The following PIEZO2 variants were observed in gnomAD, a reference collection of about 807,000 sequenced individuals.
PIEZO2 encodes the protein piezo type mechanosensitive ion channel component 2, also known as piezo-type mechanosensitive ion channel component 2.
In PIEZO2, 172 loss-of-function variants were observed where a neutral mutation model predicts 337.3. The observed-to-expected ratio is 0.51, with a 90% CI of 0.45 to 0.58. PIEZO2 has a LOEUF of 0.58. Ranked by LOEUF, PIEZO2 falls within the 20% of genes least tolerant of loss-of-function variation. The pLI is 0.00. For synonymous variants in PIEZO2, 1,251 were observed against 1,228.5 expected (o/e 1.02, Z -0.38); for missense variants, 3,028 against 3,391.3 (o/e 0.89, Z 2.66).
rs897361884 is a variant in PIEZO2, at chr18:11,078,059, C to T, written c.65-11837G>A. On this transcript the variant is annotated intron_variant, in intron 1 of 55. Coordinates refer to ENST00000674853, the MANE Select transcript of PIEZO2 (RefSeq NM_001378183.1). The surrounding 1 kb of genome is among the most constrained non-coding windows in gnomAD (Gnocchi z 5.3). ...ACCCACACACACCCACACACACACA[C>T]ACACACACCACACACACAAAAACAA... Among the ~76,000 whole-genome samples the T allele has an allele frequency of 6.7e-6, 1 of 148,202 alleles. No homozygotes were observed. Among genetic ancestry groups the T allele is most frequent in the African/African-American group, 2.5e-5 (1 of 39,830 alleles).
Position 10,791,317 on chromosome 18 carries a change from A to G in PIEZO2, c.1766T>C (p.Phe589Ser), listed in dbSNP as rs1222553205. Residue 589 changes from phenylalanine to serine, a missense_variant, in exon 14 of 56, where the codon TTC becomes TCC. Physicochemically the swap from Phe to Ser is radical, Grantham distance 155 (BLOSUM62 -2). Transcript: ENST00000674853. The stretch of plus-strand genomic sequence containing the variant: ...CAGCAGTAGCCAAAAAGTAATGGTG[A>G]AAAGGATCTGAAAGTAGAGAAGCAG... ...EPGELASKIL[F>S]TITFWLLLRQ... 1 of 1,509,744 alleles carries G rather than the reference A, an allele frequency of 6.6e-7. No homozygotes were observed. The highest frequency in any genetic ancestry group is 2.2e-5 in the Admixed American group (1 of 45,198). 93.5% of individuals were successfully genotyped at this position (1,509,744 alleles called of 1,614,324 possible). A position where few individuals can be genotyped will look rare whatever the true frequency, so the allele number is the denominator to read the frequency against.
At chr18:10,805,835 T>C (rs893347176) in intron 8 of PIEZO2, among the ~76,000 whole-genome samples, 3 of 151,874 alleles carry the variant, frequency 2.0e-5, no homozygotes, top group African/African-American at 7.3e-5. Flanking sequence ...GGGGGGGAGG[T>C]AGCACATAGG....
At chr18:10,697,513 A>G (rs2035145745) in intron 45 of PIEZO2, among the ~76,000 whole-genome samples, 1 of 152,216 alleles carries the variant, frequency 6.6e-6, no homozygotes, top group African/African-American at 2.4e-5. Flanking sequence ...TGACCCATTT[A>G]CTCTGTTCAA....
chr18:10,822,740 C>G (rs775236558), intron 7 of PIEZO2, among the ~76,000 whole-genome samples: 3 of 152,168 alleles, frequency 2.0e-5, no homozygotes, highest in African/African-American at 7.2e-5. Context: ...ATTTTGTGAA[C>G]GCGTTGGGGT....
chr18:10,815,379 C>T lies in PIEZO2; in HGVS notation c.918-8105G>A, dbSNP rs542164074. Among the ~76,000 whole-genome samples, 1 of 152,310 alleles carries T rather than the reference C, an allele frequency of 6.6e-6. No homozygotes were observed. Among genetic ancestry groups the T allele is most frequent in the South Asian group, 2.1e-4 (1 of 4,828 alleles). The stretch of plus-strand genomic sequence containing the variant: ...TGACCCTGAGTAGGACATTTAACCA[C>T]TTTAAGCCTCAATTTCCTCATTTGG... On this transcript the variant is annotated intron_variant, in intron 7 of 55. Transcript: ENST00000674853. The surrounding 1 kb of genome is among the most constrained non-coding windows in gnomAD (Gnocchi z 4.1).
At position 10,741,096 on chromosome 18, in the gene PIEZO2, G is replaced by C; in HGVS notation, c.4643C>G (p.Ala1548Gly). The stretch of plus-strand genomic sequence containing the variant: ...TTTGCCCTTGGCTTTCTGTTTGTCT[G>C]CTTCTCCTAAAATAAAATACGTCCA... ...KLSEEDDEREADKQKAKGKKK... is the reference protein window; with the variant it reads ...KLSEEDDEREGDKQKAKGKKK... Residue 1548 changes from alanine to glycine, a missense_variant, in exon 33 of 56, where the codon GCA becomes GGA. Ala to Gly is a moderately conservative substitution (Grantham distance 60). Around this residue, in one of 5 missense-constraint regions of PIEZO2, gnomAD observed 1,925 missense variants for 2,051.9 expected, o/e 0.94. Coordinates refer to ENST00000674853, the MANE Select transcript of PIEZO2 (RefSeq NM_001378183.1). 2 of 1,535,120 alleles carry C rather than the reference G, an allele frequency of 1.3e-6. No individual in the cohort carries two copies. The highest frequency in any genetic ancestry group is 2.4e-5 in the South Asian group (2 of 83,700).
rs1428687877 is a variant in PIEZO2 at position 10,704,540 on chromosome 18, C to T, written c.6112G>A (p.Val2038Met). Residue 2038 changes from valine to methionine, a missense_variant, in exon 42 of 56, where the codon GTG (valine) becomes ATG (methionine). Transcript: ENST00000674853. Reference sequence around the variant, plus strand: ...TTGAGGATGATCACGAAGTAGCACACCATCTCCGAGCGGGCCACCAGGGTA... The same window carrying T: ...TTGAGGATGATCACGAAGTAGCACATCATCTCCGAGCGGGCCACCAGGGTA... ...YNTLVARSEM[V>M]CYFVIILNHM... 3 of 1,537,102 alleles carry T rather than the reference C, an allele frequency of 2.0e-6. No homozygotes were observed. The highest frequency in any genetic ancestry group is 2.6e-6 in the Non-Finnish European group (3 of 1,146,926).
chr18:11,073,848 C>CT (rs71362202), intron 1 of PIEZO2, among the ~76,000 whole-genome samples: 5,034 of 137,106 alleles, frequency 0.037, 189 homozygotes, highest in African/African-American at 0.071. Context: ...ATAACAACTG[C>CT]TTTTTTTTTT....
chr18:10,955,857 A>C (rs2033496704), intron 3 of PIEZO2, among the ~76,000 whole-genome samples: 2 of 152,142 alleles, frequency 1.3e-5, no homozygotes, highest in South Asian at 4.1e-4. Flanking sequence ...CAAGGATTTA[A>C]ATTTTTTGTT....
In PIEZO2 at chr18:10,870,427, G is replaced by A. The variant is rs191190996; in HGVS notation, c.492+826C>T. ...CTGAAAACATTTAGTACTTGCAAGC[G>A]TTTTGCATCAAATGTCCAAATAAAA... On this transcript the variant is annotated intron_variant, in intron 5 of 55. Transcript: ENST00000674853. The surrounding 1 kb of genome is among the most constrained non-coding windows in gnomAD (Gnocchi z 5.3). Among the ~76,000 whole-genome samples the A allele has an allele frequency of 2.6e-5, 4 of 151,350 alleles. No individual in the cohort carries two copies. Among genetic ancestry groups the A allele is most frequent in the East Asian group, 1.9e-4 (1 of 5,186 alleles).
chr18:10,741,842 A>T (rs1230095944), intron 32 of PIEZO2, among the ~76,000 whole-genome samples: 1 of 152,184 alleles, frequency 6.6e-6, no homozygotes, highest in Non-Finnish European at 1.5e-5. Context: ...GTATATCGGA[A>T]ATATATCCCT....
chr18:10,876,850 C>T (rs1321136881), intron 4 of PIEZO2, among the ~76,000 whole-genome samples: 2 of 152,188 alleles, frequency 1.3e-5, no homozygotes, highest in African/African-American at 4.8e-5. Flanking sequence ...CCCACCACTG[C>T]TCAGAAAATG....
intron 1 of PIEZO2, among the ~76,000 whole-genome samples, chr18:11,082,692 A>G (rs1185873029): frequency 1.3e-5 from 2 of 152,178 alleles, no homozygotes; most frequent in Non-Finnish European, 2.9e-5. Context: ...TTTATCAGAA[A>G]AAGAACTAGA....
rs535309045 is a variant in PIEZO2 at position 10,767,138 on chromosome 18, G to T, written c.2946+3010C>A. 6.6e-6 allele frequency among the ~76,000 whole-genome samples: 1 copy of T among 151,822 alleles called. No homozygotes were observed. Among genetic ancestry groups the T allele is most frequent in the Non-Finnish European group, 1.5e-5 (1 of 67,998 alleles). Reference sequence around the variant, plus strand: ...CTCACAGAGCTGTCCAATAGCCTTCGGAATTAGAAAGTAGCTGTGTATTTC... The same window carrying T: ...CTCACAGAGCTGTCCAATAGCCTTCTGAATTAGAAAGTAGCTGTGTATTTC... On this transcript the variant is annotated intron_variant, in intron 21 of 55. Transcript: ENST00000674853. The surrounding 1 kb of genome is among the most constrained non-coding windows in gnomAD (Gnocchi z 4.2).
rs773706979 is a variant in PIEZO2, at chr18:10,861,448, G to T, written c.493-4237C>A. On this transcript the variant is annotated intron_variant, in intron 5 of 55. Coordinates refer to ENST00000674853, the MANE Select transcript of PIEZO2 (RefSeq NM_001378183.1). The surrounding 1 kb of genome is among the most constrained non-coding windows in gnomAD (Gnocchi z 4.3). ...ATTTTAACAGGAAATCTTGTTATTT[G>T]CAACAACATGCATAAATCTAAAGAA... Among the ~76,000 whole-genome samples, 5 of 152,144 alleles carry T rather than the reference G, an allele frequency of 3.3e-5. No homozygotes were observed. Among genetic ancestry groups the T allele is most frequent in the African/African-American group, 4.8e-5 (2 of 41,426 alleles).
intron 20 of PIEZO2, among the ~76,000 whole-genome samples, chr18:10,771,151 G>A (rs2038589323): frequency 6.6e-6 from 1 of 152,172 alleles, no homozygotes; most frequent in Non-Finnish European, 1.5e-5. Flanking sequence ...TTTTATAAAT[G>A]GCCTGTCTCC....
chr18:10,722,354 C>T (rs1336949326), intron 36 of PIEZO2, among the ~76,000 whole-genome samples: 1 of 151,768 alleles, frequency 6.6e-6, no homozygotes, highest in Non-Finnish European at 1.5e-5. Context: ...CTTAAGCCTC[C>T]CAAGTAGCTG....
intron 1 of PIEZO2, among the ~76,000 whole-genome samples, chr18:11,138,966 C>A (rs1250983940): frequency 6.6e-6 from 1 of 152,198 alleles, no homozygotes; most frequent in Non-Finnish European, 1.5e-5. Context: ...CTGATTGGTT[C>A]TCTAAGTTAT....
chr18:11,011,292 A>C (rs2035891053), intron 2 of PIEZO2, among the ~76,000 whole-genome samples: 1 of 152,248 alleles, frequency 6.6e-6, no homozygotes, highest in South Asian at 2.1e-4. Context: ...TAATTAAATT[A>C]TATTGCCAAT....
Sources: gnomAD v4.1 joint callset for allele counts (sites outside exome capture counted in the v4.1 genomes callset) on GRCh38, gnomAD v4.1.1 for gene constraint, gnomAD v4.1.1 regional missense constraint, Gnocchi (gnomAD v3.1) non-coding constraint, MANE v1.5 for transcripts, NCBI Gene and HGNC (gene_info 2026-07-23, HGNC 2026-07-21) for gene names.